Variants in ATP10A observed in about 807,000 individuals in gnomAD.
ATP10A encodes phospholipid-transporting ATPase VA.
In ATP10A, 111 loss-of-function variants were observed where a neutral mutation model predicts 147.8. That is an observed-to-expected ratio of 0.75 (90% CI 0.64 to 0.88). The LOEUF is 0.88. Among genes scored for constraint, ATP10A ranks in the 40% least tolerant of loss-of-function variants. ATP10A has a pLI of 0.00. For missense variants in ATP10A, 1,927 were observed against 1,959.0 expected, an observed-to-expected ratio of 0.98 and a Z score of 0.31; for synonymous variants, 875 against 841.6, an observed-to-expected ratio of 1.04 and a Z score of -0.69.
Position 25,680,874 on chromosome 15 carries a change from G to T in ATP10A, c.3614C>A (p.Thr1205Asn). 2 of 1,614,104 alleles carry T rather than the reference G, an allele frequency of 1.2e-6. No homozygotes were observed. Among genetic ancestry groups the T allele is most frequent in the Non-Finnish European group, 8.5e-7 (1 of 1,180,026 alleles). ...GAGCAGCGCGATTGTCACAATAGGGGTCCCCCAGGTAAACAGGTCCACGTT... is the reference window on the plus strand; with the variant it reads ...GAGCAGCGCGATTGTCACAATAGGGTTCCCCCAGGTAAACAGGTCCACGTT... The part of the protein sequence containing the change: ...DSNVDLFTWG[T>N]PIVTIALLTF... Residue 1205 changes from threonine (T) to asparagine (N), a missense_variant, in exon 19 of 21, where the codon ACC (threonine) becomes AAC (asparagine). Coordinates refer to ENST00000555815, the MANE Select transcript of ATP10A (RefSeq NM_024490.4).
At chr15:25,792,330 C>T (rs943345370) in intron 1 of ATP10A, among the ~76,000 whole-genome samples, 40 of 152,186 alleles carry the variant, frequency 2.6e-4, no homozygotes, top group African/African-American at 8.4e-4. Flanking sequence ...AGAGACAGGG[C>T]CCTGGGCCAG....
At chr15:25,737,946 A>G (rs1887378785) in intron 2 of ATP10A, among the ~76,000 whole-genome samples, 1 of 152,212 alleles carries the variant, frequency 6.6e-6, no homozygotes, top group Admixed American at 6.5e-5. Context: ...CCGAATGTCC[A>G]GCTTCCAGAC....
In ATP10A at chr15:25,749,437, G is replaced by T. The variant is rs559453676; in HGVS notation, c.655-13296C>A. ...GAAAAACTAATCATTCATCAGCACT[G>T]CTAGGGAACTTAGGAAAGTCTTGCC... On this transcript the variant is annotated intron_variant, in intron 2 of 20. Coordinates refer to ENST00000555815, the MANE Select transcript of ATP10A (RefSeq NM_024490.4). Among the ~76,000 whole-genome samples, 3 of 152,298 alleles carry T rather than the reference G, an allele frequency of 2.0e-5. 1 individual carries two copies. The highest frequency in any genetic ancestry group is 7.2e-5 in the African/African-American group (3 of 41,574).
chr15:25,752,370 C>T (rs1200013863), intron 2 of ATP10A, among the ~76,000 whole-genome samples: 2 of 152,180 alleles, frequency 1.3e-5, no homozygotes, highest in East Asian at 3.8e-4. Flanking sequence ...AACTAGACAA[C>T]ATTTTGCTAA....
intron 1 of ATP10A, among the ~76,000 whole-genome samples, chr15:25,797,050 C>T (rs1596904837): frequency 6.6e-6 from 1 of 151,618 alleles, no homozygotes; most frequent in Non-Finnish European, 1.5e-5. Context: ...ACTATGGTCA[C>T]TGTGCTGTAC....
intron 15 of ATP10A, among the ~76,000 whole-genome samples, chr15:25,689,623 G>T (rs1567302096): frequency 6.6e-6 from 1 of 152,236 alleles, no homozygotes; most frequent in Non-Finnish European, 1.5e-5. Context: ...GGTAAGGAAA[G>T]GTATCAAGCC....
At chr15:25,832,862 G>A (rs1892420781) in intron 1 of ATP10A, among the ~76,000 whole-genome samples, 1 of 151,884 alleles carries the variant, frequency 6.6e-6, no homozygotes, top group South Asian at 2.1e-4. Context: ...TGAGGTGATA[G>A]ACATGCTGAT....
Position 25,835,285 on chromosome 15 carries a change from G to A in ATP10A, c.449+27363C>T, listed in dbSNP as rs530173468. ...GACCTTATCTCTTAAAAATTAATCA[G>A]TTAATTTAAAATGTTCTAAAGTTGA... On this transcript the variant is annotated intron_variant, in intron 1 of 20. Coordinates refer to ENST00000555815, the MANE Select transcript of ATP10A (RefSeq NM_024490.4). Among the ~76,000 whole-genome samples, 6 of 152,152 alleles carry A rather than the reference G, an allele frequency of 3.9e-5. No homozygotes were observed. The South Asian group carries it at 1.2e-3, about 32-fold the overall frequency.
chr15:25,750,412 A>G (rs970337940), intron 2 of ATP10A, among the ~76,000 whole-genome samples: 1 of 152,118 alleles, frequency 6.6e-6, no homozygotes, highest in African/African-American at 2.4e-5. Flanking sequence ...GCTGAAAAAA[A>G]ATTCCTCACC....
Position 25,862,976 on chromosome 15 carries a change from C to G in ATP10A, c.121G>C (p.Ala41Pro). The change falls in exon 1 of 21, where the codon GCG becomes CCG. Residue 41 changes from alanine (A) to proline (P), a missense_variant. Coordinates refer to ENST00000555815, the MANE Select transcript of ATP10A (RefSeq NM_024490.4). ...LLPPPGAEDP[A>P]AGAAKGERRR... ...CGCTCGCCCTTGGCCGCGCCAGCCG[C>G]AGGGTCCTCGGCGCCCGGGGGCGGC... is the stretch of plus-strand genomic sequence containing the variant. 2 of 1,488,488 alleles carry G rather than the reference C, an allele frequency of 1.3e-6. No homozygotes were observed. Among genetic ancestry groups the G allele is most frequent in the South Asian group, 2.7e-5 (2 of 75,192 alleles). 92.2% of individuals were successfully genotyped at this position (1,488,488 alleles called of 1,614,324 possible). A position where few individuals can be genotyped will look rare whatever the true frequency, so the allele number is the denominator to read the frequency against.
chr15:25,694,572 T>C (rs1900208234), intron 14 of ATP10A, among the ~76,000 whole-genome samples: 1 of 152,232 alleles, frequency 6.6e-6, no homozygotes, highest in African/African-American at 2.4e-5. Context: ...CTCCATCTTG[T>C]TGCCGTAAAG....
chr15:25,802,805 G>A (rs1890999871), intron 1 of ATP10A, among the ~76,000 whole-genome samples: 1 of 152,104 alleles, frequency 6.6e-6, no homozygotes. Flanking sequence ...GATGATCCAG[G>A]AGAATCTATC....
At chr15:25,804,547 C>T (rs12907525) in intron 1 of ATP10A, among the ~76,000 whole-genome samples, 104,386 of 151,806 alleles carry the variant, frequency 0.69, 38,128 homozygotes, top group East Asian at 0.96. Context: ...TGGCTAAACA[C>T]GGAAAGGACA....
chr15:25,777,997 T>G (rs1156936919), intron 2 of ATP10A, among the ~76,000 whole-genome samples: 1 of 152,090 alleles, frequency 6.6e-6, no homozygotes, highest in Non-Finnish European at 1.5e-5. Flanking sequence ...TCACATATCA[T>G]TACTTCTTAT....
At chr15:25,813,562 A>C (rs1891521418) in intron 1 of ATP10A, among the ~76,000 whole-genome samples, 1 of 152,254 alleles carries the variant, frequency 6.6e-6, no homozygotes, top group South Asian at 2.1e-4. Context: ...TCAATAGAAA[A>C]AGATCCAGGA....
chr15:25,771,258 A>G (rs1167547242), intron 2 of ATP10A, among the ~76,000 whole-genome samples: 1 of 152,054 alleles, frequency 6.6e-6, no homozygotes. Context: ...GGCCACCCAT[A>G]AACAAGGACA....
At chr15:25,801,146 A>C (rs1427830789) in intron 1 of ATP10A, among the ~76,000 whole-genome samples, 1 of 152,086 alleles carries the variant, frequency 6.6e-6, no homozygotes, top group Non-Finnish European at 1.5e-5. Flanking sequence ...ATGTGTATTA[A>C]CCCACAGGCT....
intron 19 of ATP10A, 101 bp downstream of exon 19, chr15:25,680,709 T>A: frequency 9.2e-7 from 1 of 1,090,666 alleles, no homozygotes; most frequent in Non-Finnish European, 1.4e-6. Context: ...CAGTCTCCTG[T>A]CTACTCAAAA....
chr15:25,781,908 A>G (rs1889943919), intron 1 of ATP10A, among the ~76,000 whole-genome samples: 1 of 152,172 alleles, frequency 6.6e-6, no homozygotes, highest in Non-Finnish European at 1.5e-5. Context: ...ACAACACTGA[A>G]TGCACTTGAA....
Sources: allele counts gnomAD v4.1 joint callset (sites outside exome capture counted in the v4.1 genomes callset), GRCh38; gene constraint gnomAD v4.1.1; transcripts MANE v1.5; gene names NCBI Gene and HGNC (gene_info 2026-07-23, HGNC 2026-07-21).